The following SPEN variants were observed in gnomAD, a reference collection of about 807,000 sequenced individuals.
SPEN encodes msx2-interacting protein.
In SPEN, 18 loss-of-function variants were observed where a neutral mutation model predicts 269.9. The observed-to-expected ratio is 0.07, with a 90% CI of 0.05 to 0.10. The LOEUF is 0.10. Ranked by LOEUF, SPEN falls within the 10% of genes least tolerant of loss-of-function variation. SPEN has a pLI of 1.00. For missense variants in SPEN, 3,822 were observed against 4,631.2 expected (o/e 0.83, Z 5.07); for synonymous variants, 1,726 against 1,765.7 (o/e 0.98, Z 0.56).
intron 3 of SPEN, among the ~76,000 whole-genome samples, chr1:15,894,892 G>A (rs904912730): frequency 3.3e-5 from 5 of 151,772 alleles, no homozygotes; most frequent in African/African-American, 1.2e-4. Context: ...TTAAATTGTA[G>A]TAAAATATAC....
intron 3 of SPEN, among the ~76,000 whole-genome samples, chr1:15,904,926 T>C (rs1240676667): frequency 2.6e-5 from 4 of 151,764 alleles, no homozygotes; most frequent in African/African-American, 9.7e-5. Flanking sequence ...TTCGCCCTTA[T>C]TGCCCAGGCT....
chr1:15,919,326 C>G (rs2071094887), intron 7 of SPEN, 78 bp from the exon 8 acceptor site: 2 of 958,902 alleles, frequency 2.1e-6, no homozygotes, highest in African/African-American at 3.3e-5. Context: ...CTATAGAAAA[C>G]CAGTTTTCTG....
At chr1:15,938,915 C>T in intron 14 of SPEN, 39 bp downstream of exon 14, 1 of 1,601,046 alleles carries the variant, frequency 6.2e-7, no homozygotes, top group Non-Finnish European at 8.5e-7. Context: ...TGTACACCCA[C>T]AGGTGGGGCT....
intron 10 of SPEN, among the ~76,000 whole-genome samples, chr1:15,926,379 A>G (rs1288716288): frequency 7.0e-6 from 1 of 142,606 alleles, no homozygotes; most frequent in East Asian, 2.0e-4. Context: ...GCTCAGATAT[A>G]TACATACACA....
chr1:15,902,635 C>G (rs1404580152), intron 3 of SPEN, among the ~76,000 whole-genome samples: 1 of 152,032 alleles, frequency 6.6e-6, no homozygotes, highest in Non-Finnish European at 1.5e-5. Flanking sequence ...CAAAGTAAGA[C>G]CCCGTCTCTA....
chr1:15,892,836 C>A (rs998948386), intron 3 of SPEN, among the ~76,000 whole-genome samples: 1 of 152,156 alleles, frequency 6.6e-6, no homozygotes, highest in Non-Finnish European at 1.5e-5. Flanking sequence ...CGGTGGCTCA[C>A]GTCTGTAATC....
At chr1:15,895,042 C>T (rs1439335150) in intron 3 of SPEN, among the ~76,000 whole-genome samples, 3 of 152,098 alleles carry the variant, frequency 2.0e-5, no homozygotes, top group Non-Finnish European at 4.4e-5. Flanking sequence ...CCTGTCTCAG[C>T]CTCCTGAGTA....
chr1:15,863,933 C>T (rs1444838824), intron 1 of SPEN, among the ~76,000 whole-genome samples: 1 of 152,044 alleles, frequency 6.6e-6, no homozygotes, highest in African/African-American at 2.4e-5. Context: ...TGTCGATGAC[C>T]AATGAATAGA....
rs199881062 is a variant in SPEN at position 15,930,024 on chromosome 1, C to T, written c.3784C>T (p.Pro1262Ser). Residue 1262 changes from proline (P) to serine (S), a missense_variant, in exon 11 of 15, where the codon CCC (proline) becomes TCC (serine). By Grantham distance (74) the Pro-to-Ser change is moderately conservative. This residue lies in a region of SPEN where 267 missense variants were observed against 315.5 expected (regional missense o/e 0.85). Coordinates refer to ENST00000375759, the MANE Select transcript of SPEN (RefSeq NM_015001.3). This position sits in a 1 kb window ranked among gnomAD's most constrained non-coding sequence, Gnocchi z 5.3. ...AGATTCTGAAAGGACTGGTGGTTCT[C>T]CCAGTGTCCGACATGGTTCCTTCCA... ...SEDSERTGGS[P>S]SVRHGSFHED... The T allele has an allele frequency of 2.5e-4, 398 of 1,614,044 alleles. No individual in the cohort carries two copies. The highest frequency in any genetic ancestry group is 3.1e-4 in the Non-Finnish European group (365 of 1,180,038).
intron 3 of SPEN, among the ~76,000 whole-genome samples, chr1:15,885,113 GATTT>G (rs1310086975): frequency 6.6e-6 from 1 of 152,082 alleles, no homozygotes; most frequent in African/African-American, 2.4e-5. Flanking sequence ...AAATTTGTCT[GATTT>G]ATTATCCAAA....
rs1207710170 is a variant in SPEN at position 15,936,216 on chromosome 1, C to T, written c.9976C>T (p.Pro3326Ser). The T allele has an allele frequency of 1.3e-6, 2 of 1,564,628 alleles. No individual in the cohort carries two copies. Among genetic ancestry groups the T allele is most frequent in the Admixed American group, 1.8e-5 (1 of 56,854 alleles). ...PPAQLTHTQF[P>S]AASSVGLPSR... ...GGCCCAGCTCACACACACTCAGTTTCCCGCCGCTTCCTCTGTTGGCCTGCC... is the reference window on the plus strand; with the variant it reads ...GGCCCAGCTCACACACACTCAGTTTTCCGCCGCTTCCTCTGTTGGCCTGCC... Residue 3326 changes from proline to serine, a missense_variant, in exon 11 of 15, where the codon CCC becomes TCC. Physicochemically the swap from Pro to Ser is moderately conservative, Grantham distance 74. Coordinates refer to ENST00000375759, the MANE Select transcript of SPEN (RefSeq NM_015001.3).
At position 15,847,877 on chromosome 1, in the gene SPEN, C is replaced by T. The variant is rs1391474778; in HGVS notation, c.-191C>T. 1.1e-5 allele frequency: 3 copies of T among 283,354 alleles called. No individual in the cohort carries two copies. Among genetic ancestry groups the T allele is most frequent in the South Asian group, 1.4e-4 (1 of 6,906 alleles). 17.6% of individuals were successfully genotyped at this position (283,354 alleles called of 1,614,324 possible). On this transcript the variant is annotated 5_prime_UTR_variant, in exon 1 of 15. Transcript: ENST00000375759. ...TGGCGGCAGAGCTGAGCTGCGAGGC[C>T]CGAGAGTCAGAACCTGGGGGAGAGG...
chr1:15,887,333 T>C (rs2070746606), intron 3 of SPEN, among the ~76,000 whole-genome samples: 1 of 133,308 alleles, frequency 7.5e-6, no homozygotes, highest in South Asian at 2.3e-4. Flanking sequence ...CAGGCTGGAG[T>C]GCAGTGGCAC....
At chr1:15,884,682 A>G (rs1448723301) in intron 3 of SPEN, among the ~76,000 whole-genome samples, 1 of 151,978 alleles carries the variant, frequency 6.6e-6, no homozygotes, top group Non-Finnish European at 1.5e-5. Flanking sequence ...TAAAATATAT[A>G]TGAAGTAAAA....
rs765166166 is a variant in SPEN, at chr1:15,931,958, C to T, written c.5718C>T (p.Ser1906=). 9 of 1,614,194 alleles carry T rather than the reference C, an allele frequency of 5.6e-6. No homozygotes were observed. Among genetic ancestry groups the T allele is most frequent in the Non-Finnish European group, 1.7e-6 (2 of 1,180,036 alleles). Residue 1906 remains serine (S), a synonymous_variant, in exon 11 of 15, where the codon AGC becomes AGT. Coordinates refer to ENST00000375759, the MANE Select transcript of SPEN (RefSeq NM_015001.3). This position sits in a 1 kb window ranked among gnomAD's most constrained non-coding sequence, Gnocchi z 4.8. ...GAACAAGGCGCCGGAATGTAAGGAGCGTCTATGCAACCATGGGTGACCATG... is the reference window on the plus strand; with the variant it reads ...GAACAAGGCGCCGGAATGTAAGGAGTGTCTATGCAACCATGGGTGACCATG... The part of the protein sequence containing the change: ...LSRTRRRNVR[S]VYATMGDHEN...
intron 11 of SPEN, among the ~76,000 whole-genome samples, 178 bp downstream of exon 11, chr1:15,936,444 C>T (rs2071276079): frequency 6.6e-6 from 1 of 151,496 alleles, no homozygotes; most frequent in Non-Finnish European, 1.5e-5. Context: ...AGTTCGAGAC[C>T]AGCCTGGGCA....
chr1:15,894,440 C>T (rs2070818848), intron 3 of SPEN, among the ~76,000 whole-genome samples: 1 of 151,098 alleles, frequency 6.6e-6, no homozygotes, highest in Non-Finnish European at 1.5e-5. Context: ...AAAGAAGTCA[C>T]ATGATTCTTA....
intron 3 of SPEN, among the ~76,000 whole-genome samples, chr1:15,904,782 G>A (rs988127355): frequency 1.0e-4 from 15 of 149,568 alleles, no homozygotes; most frequent in Non-Finnish European, 1.8e-4. Context: ...CTGTGATAAT[G>A]TTTATAATAA....
Position 15,934,307 on chromosome 1 carries a change from C to T in SPEN, c.8067C>T (p.Pro2689=), listed in dbSNP as rs745591509. ...LKSLVSTPAG[P]VNVLKGPVNV... The stretch of plus-strand genomic sequence containing the variant: ...GTTTGGTGAGCACCCCTGCTGGGCC[C>T]GTGAACGTCCTGAAAGGGCCTGTGA... The change falls in exon 11 of 15, where the codon CCC becomes CCT. Residue 2689 remains proline, a synonymous_variant. Coordinates refer to ENST00000375759, the MANE Select transcript of SPEN (RefSeq NM_015001.3). The surrounding 1 kb of genome is among the most constrained non-coding windows in gnomAD (Gnocchi z 9.2). The T allele has an allele frequency of 1.9e-5, 31 of 1,613,990 alleles. No individual in the cohort carries two copies. The highest frequency in any genetic ancestry group is 6.7e-5 in the Admixed American group (4 of 60,014).
Sources: gnomAD v4.1 joint callset for allele counts (sites outside exome capture counted in the v4.1 genomes callset) on GRCh38, gnomAD v4.1.1 for gene constraint, gnomAD v4.1.1 regional missense constraint, Gnocchi (gnomAD v3.1) non-coding constraint, MANE v1.5 for transcripts, NCBI Gene and HGNC (gene_info 2026-07-23, HGNC 2026-07-21) for gene names.